Variants in SLC24A3 observed in about 807,000 individuals in gnomAD.
The protein encoded by SLC24A3 is sodium/potassium/calcium exchanger 3.
SLC24A3 carries 28 observed loss-of-function variants against 75.8 expected under a neutral mutation model. The observed-to-expected ratio is 0.37, with a 90% CI of 0.27 to 0.51. The LOEUF (loss-of-function observed/expected upper bound fraction) is 0.51, where lower values mean the gene tolerates loss of function less well. SLC24A3 is among the 20% of genes least tolerant of loss of function. The pLI is 0.94. For missense variants in SLC24A3, 663 were observed against 847.8 expected, an observed-to-expected ratio of 0.78 and a Z score of 2.71; for synonymous variants, 372 against 334.1, an observed-to-expected ratio of 1.11 and a Z score of -1.24.
intron 2 of SLC24A3, among the ~76,000 whole-genome samples, chr20:19,379,056 A>C (rs1455834018): frequency 6.6e-6 from 1 of 152,124 alleles, no homozygotes; most frequent in Non-Finnish European, 1.5e-5. Context: ...GCAGATGAGG[A>C]ATAATTGTTA....
At chr20:19,515,747 G>A (rs1188654010) in intron 3 of SLC24A3, among the ~76,000 whole-genome samples, 183 bp downstream of exon 3, 2 of 152,176 alleles carry the variant, frequency 1.3e-5, no homozygotes, top group African/African-American at 4.8e-5. Context: ...CACAGCTTTC[G>A]AAGGTGGAGC....
intron 2 of SLC24A3, among the ~76,000 whole-genome samples, chr20:19,387,501 A>G (rs564121929): frequency 3.3e-5 from 5 of 152,236 alleles, no homozygotes; most frequent in Non-Finnish European, 5.9e-5. Flanking sequence ...TGCATCACAT[A>G]ATTTTTGGTA....
At chr20:19,616,108 G>T (rs981614732) in intron 6 of SLC24A3, among the ~76,000 whole-genome samples, 1 of 152,234 alleles carries the variant, frequency 6.6e-6, no homozygotes, top group Non-Finnish European at 1.5e-5. Flanking sequence ...AAGCCATGAT[G>T]CAGGCTCACC....
intron 3 of SLC24A3, among the ~76,000 whole-genome samples, chr20:19,561,961 T>A (rs1033601916): frequency 3.3e-5 from 5 of 152,134 alleles, no homozygotes; most frequent in African/African-American, 9.7e-5. Flanking sequence ...TTTCTTCCAT[T>A]CCTGTTTTGT....
chr20:19,382,614 GTC>G (rs1986201284), intron 2 of SLC24A3, among the ~76,000 whole-genome samples: 1 of 152,192 alleles, frequency 6.6e-6, no homozygotes, highest in Non-Finnish European at 1.5e-5. Flanking sequence ...CTTGGCTCCT[GTC>G]TCTCTGGCTG....
chr20:19,463,407 C>T (rs1386484639), intron 2 of SLC24A3, among the ~76,000 whole-genome samples: 2 of 152,222 alleles, frequency 1.3e-5, no homozygotes, highest in African/African-American at 4.8e-5. Context: ...GTCACAGGCT[C>T]CCAGAATCCC....
At chr20:19,550,484 G>T (rs1245266764) in intron 3 of SLC24A3, among the ~76,000 whole-genome samples, 1 of 152,268 alleles carries the variant, frequency 6.6e-6, no homozygotes, top group Non-Finnish European at 1.5e-5. Context: ...AAAAAGAATA[G>T]TTCTACCTTC....
intron 1 of SLC24A3, among the ~76,000 whole-genome samples, chr20:19,231,024 C>T (rs779229729): frequency 6.6e-6 from 1 of 152,194 alleles, no homozygotes; most frequent in Non-Finnish European, 1.5e-5. Context: ...TAGGCTTACA[C>T]CTGTTTCTAT....
At chr20:19,324,513 G>A (rs1984792586) in intron 2 of SLC24A3, among the ~76,000 whole-genome samples, 1 of 152,190 alleles carries the variant, frequency 6.6e-6, no homozygotes, top group Non-Finnish European at 1.5e-5. Flanking sequence ...TGGTGTCACA[G>A]TCCCATGTCC....
intron 3 of SLC24A3, among the ~76,000 whole-genome samples, chr20:19,555,462 T>C (rs963021901): frequency 2.0e-5 from 3 of 152,138 alleles, no homozygotes; most frequent in Non-Finnish European, 4.4e-5. Flanking sequence ...GTCTCGACAA[T>C]GGGAAAGAAA....
intron 2 of SLC24A3, among the ~76,000 whole-genome samples, chr20:19,398,128 T>C (rs117775244): frequency 1.6e-3 from 238 of 152,304 alleles, no homozygotes; most frequent in Middle Eastern, 0.01. Flanking sequence ...TCCTTTTGAC[T>C]TATGATTTTA....
intron 8 of SLC24A3, among the ~76,000 whole-genome samples, chr20:19,669,376 C>T (rs1330120532): frequency 6.6e-6 from 1 of 152,058 alleles, no homozygotes; most frequent in African/African-American, 2.4e-5. Context: ...GTGATGCACA[C>T]CTGTAGTCCC....
At chr20:19,697,896 A>G (rs2032828841) in intron 14 of SLC24A3, among the ~76,000 whole-genome samples, 1 of 152,168 alleles carries the variant, frequency 6.6e-6, no homozygotes, top group South Asian at 2.1e-4. Flanking sequence ...CCTTGAAACC[A>G]TCTGTATTAG....
intron 3 of SLC24A3, among the ~76,000 whole-genome samples, chr20:19,575,810 C>T (rs761163708): frequency 1.2e-4 from 19 of 152,200 alleles, no homozygotes; most frequent in Non-Finnish European, 2.1e-4. Flanking sequence ...AGAACTTCAA[C>T]GGCTCTGACA....
chr20:19,225,447 G>A (rs1016149788), intron 1 of SLC24A3, among the ~76,000 whole-genome samples: 1 of 152,114 alleles, frequency 6.6e-6, no homozygotes, highest in South Asian at 2.1e-4. Context: ...TCCAAGCATT[G>A]TGGAATATTT....
chr20:19,434,236 C>A (rs1987155814), intron 2 of SLC24A3, among the ~76,000 whole-genome samples: 1 of 152,310 alleles, frequency 6.6e-6, no homozygotes, highest in Middle Eastern at 3.4e-3. Context: ...AACCAAGGAA[C>A]CGCTGAACTG....
chr20:19,235,373 G>A (rs905536808), intron 1 of SLC24A3, among the ~76,000 whole-genome samples: 1 of 152,188 alleles, frequency 6.6e-6, no homozygotes, highest in Non-Finnish European at 1.5e-5. Flanking sequence ...CCTGTATGGT[G>A]CAAGGAGAAA....
chr20:19,354,453 G>C (rs560373979), intron 2 of SLC24A3, among the ~76,000 whole-genome samples: 39 of 152,194 alleles, frequency 2.6e-4, no homozygotes, highest in Non-Finnish European at 1.8e-4. Context: ...TGGCAGAATT[G>C]TACACTTTAA....
intron 15 of SLC24A3, among the ~76,000 whole-genome samples, chr20:19,713,880 A>C (rs907799208): frequency 6.6e-6 from 1 of 152,214 alleles, no homozygotes; most frequent in Non-Finnish European, 1.5e-5. Context: ...ATGATACAGC[A>C]AGTGAATGAC....
Sources: gnomAD v4.1 joint callset for allele counts (sites outside exome capture counted in the v4.1 genomes callset) on GRCh38, gnomAD v4.1.1 for gene constraint, MANE v1.5 for transcripts, NCBI Gene and HGNC (gene_info 2026-07-23, HGNC 2026-07-21) for gene names.